TNR: variants seen among roughly 807,000 people sequenced by gnomAD.
The protein encoded by TNR is tenascin R.
In TNR, 45 loss-of-function variants were observed where a neutral mutation model predicts 150.4. The ratio of observed to expected loss-of-function variants is 0.30; its 90% CI spans 0.24 to 0.38. The LOEUF is 0.38. Ranked by LOEUF, TNR falls within the 10% of genes least tolerant of loss-of-function variation. TNR has a pLI of 1.00. For synonymous variants in TNR, 687 were observed against 678.4 expected (o/e 1.01, Z -0.20); for missense variants, 1,544 against 1,759.1 (o/e 0.88, Z 2.19).
At position 175,337,520 on chromosome 1, in the gene TNR, G is replaced by A. The variant is rs1479133102; in HGVS notation, c.3534+8C>T. The A allele has an allele frequency of 6.2e-7, 1 of 1,612,622 alleles. No individual in the cohort carries two copies. Among genetic ancestry groups the A allele is most frequent in the Non-Finnish European group, 8.5e-7 (1 of 1,179,988 alleles). On this transcript the variant is annotated splice_region_variant and intron_variant, in intron 19 of 22. Coordinates refer to ENST00000367674, the MANE Select transcript of TNR (RefSeq NM_003285.3). ...CTTCTGTGCAAGGAGAGCACAGATT[G>A]TACTTACAATCCAGCCGCCCCCGTC...
At chr1:175,494,694 C>T (rs912045812) in intron 2 of TNR, among the ~76,000 whole-genome samples, 2 of 152,206 alleles carry the variant, frequency 1.3e-5, no homozygotes, top group African/African-American at 4.8e-5. Context: ...TAAAAACCCA[C>T]TGGTGATCTA....
At chr1:175,403,091 G>A (rs1448322511) in intron 4 of TNR, 49 bp downstream of exon 4, 1 of 1,506,862 alleles carries the variant, frequency 6.6e-7, no homozygotes, top group Non-Finnish European at 9.1e-7. Context: ...CATCCAGCTA[G>A]TTTGCTGGAC....
rs112611655 is a variant in TNR at position 175,690,476 on chromosome 1, G to A, written c.-165+52750C>T. 1.5e-3 allele frequency among the ~76,000 whole-genome samples: 231 copies of A among 152,302 alleles called. 4 individuals are homozygous for A. Among genetic ancestry groups the A allele is most frequent in the African/African-American group, 5.4e-3 (224 of 41,556 alleles). On this transcript the variant is annotated intron_variant, in intron 1 of 22. Coordinates refer to ENST00000367674, the MANE Select transcript of TNR (RefSeq NM_003285.3). The stretch of plus-strand genomic sequence containing the variant: ...ACACTGAGTCATAAAGAGCAAGAAG[G>A]GGCATTCCACATGACTCTCAGAAGA...
chr1:175,381,087 CT>C (rs1462167947), intron 8 of TNR, among the ~76,000 whole-genome samples: 2 of 152,196 alleles, frequency 1.3e-5, no homozygotes, highest in African/African-American at 4.8e-5. Context: ...ACTCACTGTA[CT>C]TTAGCTTGCC....
chr1:175,462,488 C>T (rs1475937045), intron 2 of TNR, among the ~76,000 whole-genome samples: 1 of 152,166 alleles, frequency 6.6e-6, no homozygotes, highest in African/African-American at 2.4e-5. Flanking sequence ...TCCACAGAAG[C>T]CAGCTTCTAG....
At chr1:175,331,062 T>C (rs867014539) in intron 20 of TNR, among the ~76,000 whole-genome samples, 225 of 123,986 alleles carry the variant, frequency 1.8e-3, no homozygotes, top group African/African-American at 6.1e-3. Flanking sequence ...TCTTTCTTTC[T>C]TTCTTTCTTT....
At chr1:175,462,964 C>T (rs76840829) in intron 2 of TNR, among the ~76,000 whole-genome samples, 4,109 of 152,188 alleles carry the variant, frequency 0.027, 80 homozygotes, top group Non-Finnish European at 0.027. Flanking sequence ...TTGGACATAG[C>T]GAGAGAGCGT....
chr1:175,397,099 A>G (rs1653463738), intron 4 of TNR, among the ~76,000 whole-genome samples: 1 of 152,240 alleles, frequency 6.6e-6, no homozygotes. Flanking sequence ...GAATACAGCC[A>G]TTATTAAAGA....
At chr1:175,703,777 C>T (rs1425909956) in intron 1 of TNR, among the ~76,000 whole-genome samples, 1 of 152,148 alleles carries the variant, frequency 6.6e-6, no homozygotes, top group Non-Finnish European at 1.5e-5. Flanking sequence ...CCAGAAGACA[C>T]ACCATGTTTA....
At chr1:175,361,522 C>T (rs1038223200) in intron 14 of TNR, among the ~76,000 whole-genome samples, 53 of 152,284 alleles carry the variant, frequency 3.5e-4, no homozygotes, top group African/African-American at 1.3e-3. Context: ...ATATCCTGCG[C>T]TGTCTTTAGA....
intron 2 of TNR, among the ~76,000 whole-genome samples, chr1:175,479,726 C>G (rs370386395): frequency 6.6e-6 from 1 of 152,124 alleles, no homozygotes; most frequent in African/African-American, 2.4e-5. Context: ...AATCCTCAAT[C>G]TGATATGTGG....
At chr1:175,576,352 G>T (rs1405347469) in intron 1 of TNR, among the ~76,000 whole-genome samples, 5 of 152,182 alleles carry the variant, frequency 3.3e-5, no homozygotes. Flanking sequence ...AGGAAGTGCA[G>T]TCAGAAATCT....
chr1:175,411,319 G>A (rs1654204086), intron 2 of TNR, among the ~76,000 whole-genome samples: 1 of 152,126 alleles, frequency 6.6e-6, no homozygotes, highest in East Asian at 1.9e-4. Context: ...GGGCTAGAAC[G>A]AACATTGAGG....
intron 2 of TNR, among the ~76,000 whole-genome samples, chr1:175,485,250 T>C (rs1268766781): frequency 6.6e-6 from 1 of 152,154 alleles, no homozygotes; most frequent in Non-Finnish European, 1.5e-5. Flanking sequence ...GAGTCCACCA[T>C]TAGGCATAAG....
At chr1:175,526,664 G>A (rs1056651193) in intron 2 of TNR, among the ~76,000 whole-genome samples, 10 of 152,170 alleles carry the variant, frequency 6.6e-5, no homozygotes, top group African/African-American at 2.2e-4. Flanking sequence ...GTTATTAAGG[G>A]CTCATCTAAT....
At chr1:175,412,644 T>A (rs1654260867) in intron 2 of TNR, among the ~76,000 whole-genome samples, 1 of 151,936 alleles carries the variant, frequency 6.6e-6, no homozygotes, top group Non-Finnish European at 1.5e-5. Flanking sequence ...GATCCCCCAA[T>A]GTGTCCCGCA....
chr1:175,437,290 C>A (rs546795579), intron 2 of TNR, among the ~76,000 whole-genome samples: 1 of 152,044 alleles, frequency 6.6e-6, no homozygotes, highest in Non-Finnish European at 1.5e-5. Flanking sequence ...GGGTACATAA[C>A]GAAATGAAGG....
intron 2 of TNR, among the ~76,000 whole-genome samples, chr1:175,489,740 A>T (rs1032184274): frequency 6.6e-6 from 1 of 152,172 alleles, no homozygotes; most frequent in Non-Finnish European, 1.5e-5. Context: ...TATTTTTCTG[A>T]GTTTTACATC....
chr1:175,581,436 C>A (rs537087835), intron 1 of TNR, among the ~76,000 whole-genome samples: 2 of 152,186 alleles, frequency 1.3e-5, no homozygotes, highest in African/African-American at 4.8e-5. Context: ...CAGCCATGAG[C>A]AGATGGATTG....
Sources: allele counts gnomAD v4.1 joint callset (sites outside exome capture counted in the v4.1 genomes callset), GRCh38; gene constraint gnomAD v4.1.1; transcripts MANE v1.5; gene names NCBI Gene and HGNC (gene_info 2026-07-23, HGNC 2026-07-21).